Variants in ANKS1A observed in about 807,000 individuals in gnomAD.
ANKS1A encodes ankyrin repeat and SAM domain-containing protein 1A.
Under a neutral mutation model 120.3 loss-of-function variants are expected in ANKS1A, and 55 were observed. The observed-to-expected ratio is 0.46, with a 90% CI of 0.37 to 0.57. The LOEUF (loss-of-function observed/expected upper bound fraction) is 0.57. Among genes scored for constraint, ANKS1A ranks in the 20% least tolerant of loss-of-function variants. ANKS1A has a pLI of 0.00. For synonymous variants in ANKS1A, 590 were observed against 604.7 expected (o/e 0.98, Z 0.36); for missense variants, 1,123 against 1,480.3 (o/e 0.76, Z 3.96).
At chr6:34,910,535 G>A (rs1275124271) in intron 1 of ANKS1A, among the ~76,000 whole-genome samples, 1 of 152,090 alleles carries the variant, frequency 6.6e-6, no homozygotes, top group East Asian at 1.9e-4. Context: ...CTACACTCCA[G>A]CCTGGGCAAC....
chr6:35,088,513 C>T, intron 23 of ANKS1A, 93 bp from the exon 24 acceptor site: 1 of 1,535,734 alleles, frequency 6.5e-7, no homozygotes, highest in South Asian at 1.1e-5. Flanking sequence ...GAGGGATCGT[C>T]TGTCCTGCTC....
chr6:34,954,481 G>GT (rs1264820223), intron 1 of ANKS1A, among the ~76,000 whole-genome samples: 2 of 152,156 alleles, frequency 1.3e-5, no homozygotes, highest in Non-Finnish European at 2.9e-5. Context: ...GAAGATAACT[G>GT]TCCTTGGCAG....
intron 3 of ANKS1A, among the ~76,000 whole-genome samples, chr6:34,978,444 C>G (rs1389877957): frequency 1.3e-5 from 2 of 152,164 alleles, no homozygotes; most frequent in Non-Finnish European, 1.5e-5. Context: ...TCCAGATGAT[C>G]AGGAGTCTGT....
chr6:35,027,402 C>G (rs980033900), intron 11 of ANKS1A, among the ~76,000 whole-genome samples: 5 of 152,154 alleles, frequency 3.3e-5, no homozygotes, highest in Non-Finnish European at 2.9e-5. Context: ...TTCTCTGATC[C>G]TGGGTGGACT....
chr6:34,989,205 A>AT lies in ANKS1A; in HGVS notation c.1210-12dup, dbSNP rs1561894507. The AT allele has an allele frequency of 1.9e-6, 3 of 1,607,970 alleles. No individual in the cohort carries two copies. In the South Asian group the frequency reaches 3.3e-5, roughly 18 times the overall value. ...TTAAAAAAGAGATCGCAAAATATTT[A>AT]TTTTTTTCTCTTCTGCAGAGGGAAC... On this transcript the variant is annotated intron_variant, in intron 8 of 23. Transcript: ENST00000360359.
At position 35,090,188 on chromosome 6, in the gene ANKS1A, C is replaced by A; in HGVS notation, c.*1579C>A. On this transcript the variant is annotated 3_prime_UTR_variant, in exon 24 of 24. Transcript: ENST00000360359. ...ACTTCTTGGTACTAAACGAAGATCT[C>A]GACACCTTGCAGTTTTACTTCATTT... is the stretch of plus-strand genomic sequence containing the variant. 1.6e-6 allele frequency: 2 copies of A among 1,289,468 alleles called. No homozygotes were observed. The highest frequency in any genetic ancestry group is 2.0e-6 in the Non-Finnish European group (2 of 988,884). 79.9% of individuals were successfully genotyped at this position (1,289,468 alleles called of 1,614,324 possible).
chr6:35,015,240 A>G (rs1306898574), intron 10 of ANKS1A, among the ~76,000 whole-genome samples: 1 of 152,172 alleles, frequency 6.6e-6, no homozygotes, highest in Non-Finnish European at 1.5e-5. Context: ...GCTCACGCCT[A>G]TAATCCAGCA....
At chr6:34,952,652 T>C (rs1208187243) in intron 1 of ANKS1A, among the ~76,000 whole-genome samples, 1 of 152,194 alleles carries the variant, frequency 6.6e-6, no homozygotes, top group Non-Finnish European at 1.5e-5. Context: ...CAAATTTTAC[T>C]AAATATTTGT....
chr6:34,898,080 A>G (rs1464637138), intron 1 of ANKS1A, among the ~76,000 whole-genome samples: 1 of 152,254 alleles, frequency 6.6e-6, no homozygotes, highest in Non-Finnish European at 1.5e-5. Context: ...AATGCCTGGC[A>G]CATGGCAAGG....
At chr6:34,966,554 A>C (rs984931860) in intron 1 of ANKS1A, among the ~76,000 whole-genome samples, 10 of 152,204 alleles carry the variant, frequency 6.6e-5, no homozygotes, top group African/African-American at 2.4e-4. Flanking sequence ...AGAAATAAGA[A>C]CTAAGGCTTT....
At chr6:35,081,911 C>T (rs557404837) in intron 17 of ANKS1A, among the ~76,000 whole-genome samples, 8 of 152,316 alleles carry the variant, frequency 5.3e-5, no homozygotes, top group African/African-American at 7.2e-5. Flanking sequence ...CAGGCCCCTC[C>T]GGGTGAACTT....
intron 1 of ANKS1A, among the ~76,000 whole-genome samples, chr6:34,965,081 G>C (rs1001580189): frequency 1.3e-5 from 2 of 152,186 alleles, no homozygotes; most frequent in Non-Finnish European, 2.9e-5. Context: ...CTCTCTATCT[G>C]TGTAGGGTGG....
intron 3 of ANKS1A, chr6:34,972,721 T>C: frequency 1.4e-6 from 1 of 728,444 alleles, no homozygotes; most frequent in Non-Finnish European, 1.7e-6. Context: ...CCGCTTCTAC[T>C]CTTGTCCACT....
In ANKS1A at chr6:34,968,800, C is replaced by T. The variant is rs1318810407; in HGVS notation, c.279-1210C>T. On this transcript the variant is annotated intron_variant, in intron 2 of 23. Transcript: ENST00000360359. ...ATTTTAGATTTTGCTGAGCAAGGAG[C>T]TCCAGAGCCCTCTACCTTAGAGTAT... Among the ~76,000 whole-genome samples, 3 of 151,794 alleles carry T rather than the reference C, an allele frequency of 2.0e-5. No homozygotes were observed. In the South Asian group the frequency reaches 6.2e-4, roughly 32 times the overall value.
chr6:34,940,297 AC>A (rs1769461068), intron 1 of ANKS1A, among the ~76,000 whole-genome samples: 1 of 152,194 alleles, frequency 6.6e-6, no homozygotes, highest in Non-Finnish European at 1.5e-5. Flanking sequence ...CGAAGATGGA[AC>A]CAGGAAACCT....
intron 10 of ANKS1A, among the ~76,000 whole-genome samples, chr6:35,009,083 A>G (rs1351200187): frequency 6.6e-6 from 1 of 152,182 alleles, no homozygotes; most frequent in Non-Finnish European, 1.5e-5. Context: ...AGTGTTGTTG[A>G]GGCTTTTTGA....
chr6:34,926,951 C>G (rs1216650157), intron 1 of ANKS1A, among the ~76,000 whole-genome samples: 2 of 152,184 alleles, frequency 1.3e-5, no homozygotes, highest in Non-Finnish European at 2.9e-5. Flanking sequence ...GTGTGTGGCT[C>G]TGACACCAGG....
At chr6:35,011,465 A>G (rs544164999) in intron 10 of ANKS1A, among the ~76,000 whole-genome samples, 1 of 152,304 alleles carries the variant, frequency 6.6e-6, no homozygotes, top group East Asian at 1.9e-4. Context: ...CAGGTAGAGA[A>G]CAGACGCTTT....
At chr6:35,035,291 G>GC (rs1337288637) in intron 11 of ANKS1A, among the ~76,000 whole-genome samples, 1 of 152,182 alleles carries the variant, frequency 6.6e-6, no homozygotes, top group African/African-American at 2.4e-5. Context: ...TCTAAAGAGG[G>GC]CTTAAGAGCA....
Sources: allele counts gnomAD v4.1 joint callset (sites outside exome capture counted in the v4.1 genomes callset), GRCh38; gene constraint gnomAD v4.1.1; transcripts MANE v1.5; gene names NCBI Gene and HGNC (gene_info 2026-07-23, HGNC 2026-07-21).